Variants in PHLPP1 observed in about 807,000 individuals in gnomAD.
PHLPP1 encodes the protein PH domain and leucine rich repeat protein phosphatase 1.
PHLPP1 carries 42 observed loss-of-function variants against 117.2 expected under a neutral mutation model. That is an observed-to-expected ratio of 0.36 (90% CI 0.28 to 0.46). The LOEUF is 0.46. Ranked by LOEUF, PHLPP1 falls within the 20% of genes least tolerant of loss-of-function variation. The probability of loss-of-function intolerance (pLI) is 1.00; values close to 1 mark genes in which losing one functional copy is unlikely to be tolerated. For synonymous variants in PHLPP1, 1,042 were observed against 970.7 expected (o/e 1.07, Z -1.37); for missense variants, 2,084 against 2,241.9 (o/e 0.93, Z 1.42).
intron 1 of PHLPP1, among the ~76,000 whole-genome samples, chr18:62,822,283 T>TTG (rs1354762261): frequency 6.3e-5 from 9 of 141,936 alleles, no homozygotes; most frequent in Admixed American, 1.4e-4. Context: ...TTTTTTTGTT[T>TTG]TTGTTTTTTT....
intron 7 of PHLPP1, among the ~76,000 whole-genome samples, chr18:62,904,847 G>C (rs976604679): frequency 6.6e-6 from 1 of 152,252 alleles, no homozygotes; most frequent in Admixed American, 6.5e-5. Flanking sequence ...TGCTGTTTCA[G>C]TAAGGTGATG....
intron 3 of PHLPP1, among the ~76,000 whole-genome samples, chr18:62,855,510 G>A (rs149639955): frequency 3.3e-4 from 51 of 152,334 alleles, no homozygotes; most frequent in African/African-American, 1.2e-3. Flanking sequence ...TTATGGGACT[G>A]GGCAGTGGTG....
intron 1 of PHLPP1, among the ~76,000 whole-genome samples, chr18:62,807,435 AAAG>A (rs1270123448): frequency 4.6e-5 from 7 of 152,240 alleles, no homozygotes; most frequent in Non-Finnish European, 1.0e-4. Flanking sequence ...GGAGAAGCAT[AAAG>A]AAGAAGGTAT....
rs1421047736 is a variant in PHLPP1 at position 62,716,135 on chromosome 18, C to T, written c.452C>T (p.Ser151Phe). The T allele has an allele frequency of 3.3e-6, 5 of 1,518,358 alleles. No homozygotes were observed. Among genetic ancestry groups the T allele is most frequent in the South Asian group, 2.4e-5 (2 of 82,064 alleles). 94.1% of individuals were successfully genotyped at this position (1,518,358 alleles called of 1,614,324 possible). A position where few individuals can be genotyped will look rare whatever the true frequency, so the allele number is the denominator to read the frequency against. The change falls in exon 1 of 17, where the codon TCC becomes TTC. Residue 151 changes from serine (S) to phenylalanine (F), a missense_variant. This residue lies in a region of PHLPP1 where 719 missense variants were observed against 636.0 expected (regional missense o/e 1.13). Coordinates refer to ENST00000262719, the MANE Select transcript of PHLPP1 (RefSeq NM_194449.4). This position sits in a 1 kb window ranked among gnomAD's most constrained non-coding sequence, Gnocchi z 5.7. Reference protein sequence around the residue: ...SSSSAAAASHSPGAAGLPASC... With the variant: ...SSSSAAAASHFPGAAGLPASC... Reference sequence around the variant, plus strand: ...TCCTCGGCCGCTGCTGCCTCGCACTCCCCCGGCGCTGCCGGCCTCCCCGCC... The same window carrying T: ...TCCTCGGCCGCTGCTGCCTCGCACTTCCCCGGCGCTGCCGGCCTCCCCGCC...
chr18:62,952,967 C>T (rs1401324932), intron 12 of PHLPP1, among the ~76,000 whole-genome samples: 1 of 152,170 alleles, frequency 6.6e-6, no homozygotes, highest in African/African-American at 2.4e-5. Context: ...CTGTGACTCT[C>T]AGGTCTGTGT....
At chr18:62,932,313 C>CAACA (rs61000626) in intron 10 of PHLPP1, among the ~76,000 whole-genome samples, 84,832 of 151,334 alleles carry the variant, frequency 0.56, 24,002 homozygotes, top group Non-Finnish European at 0.61. Context: ...GACAAGGATA[C>CAACA]AAAAAGGAAA....
chr18:62,814,093 G>A (rs1914199138), intron 1 of PHLPP1, among the ~76,000 whole-genome samples: 1 of 152,106 alleles, frequency 6.6e-6, no homozygotes, highest in Non-Finnish European at 1.5e-5. Context: ...CAGGAATTTA[G>A]AGATTATCAA....
rs1447041066 is a variant in PHLPP1 at position 62,920,752 on chromosome 18, G to T, written c.2960+638G>T. On this transcript the variant is annotated intron_variant, in intron 10 of 16. Transcript: ENST00000262719. The stretch of plus-strand genomic sequence containing the variant: ...TTTTTTGTATTTTTAGTAGAGGTGG[G>T]GTTTTGCCATGTTGGCCAGGCTGGT... Among the ~76,000 whole-genome samples, 5 of 152,026 alleles carry T rather than the reference G, an allele frequency of 3.3e-5. No individual in the cohort carries two copies. The South Asian group carries it at 1.0e-3, about 31-fold the overall frequency.
chr18:62,843,609 CTG>C (rs1555676637), intron 3 of PHLPP1, among the ~76,000 whole-genome samples: 1 of 152,180 alleles, frequency 6.6e-6, no homozygotes, highest in Non-Finnish European at 1.5e-5. Context: ...GTGGTAGACA[CTG>C]TGGGAGAGCT....
rs199787538 is a variant in PHLPP1 at position 62,978,445 on chromosome 18, C to T, written c.4168C>T (p.Arg1390Cys). Residue 1390 changes from arginine (R) to cysteine (C), a missense_variant, in exon 17 of 17, where the codon CGC becomes TGC. Coordinates refer to ENST00000262719, the MANE Select transcript of PHLPP1 (RefSeq NM_194449.4). This position sits in a 1 kb window ranked among gnomAD's most constrained non-coding sequence, Gnocchi z 7.0. ...LSVEEAVEAV[R>C]NVPDALAAAK... ...CGTCGAGGAGGCCGTGGAAGCCGTG[C>T]GCAACGTGCCCGATGCCCTGGCTGC... 2.2e-4 allele frequency: 347 copies of T among 1,610,980 alleles called. 1 individual carries two copies. Among genetic ancestry groups the T allele is most frequent in the Non-Finnish European group, 3.9e-5 (46 of 1,178,698 alleles).
intron 1 of PHLPP1, among the ~76,000 whole-genome samples, chr18:62,799,470 A>C (rs1913715416): frequency 6.6e-6 from 1 of 152,180 alleles, no homozygotes; most frequent in Admixed American, 6.5e-5. Flanking sequence ...TTGAAGCTAG[A>C]AAGGACCGCA....
chr18:62,867,120 A>G (rs1915789495), intron 4 of PHLPP1, among the ~76,000 whole-genome samples: 1 of 152,202 alleles, frequency 6.6e-6, no homozygotes, highest in Non-Finnish European at 1.5e-5. Flanking sequence ...TAAGCAGTGA[A>G]GTTTACAATA....
At chr18:62,722,681 A>G (rs1198968526) in intron 1 of PHLPP1, among the ~76,000 whole-genome samples, 3 of 152,170 alleles carry the variant, frequency 2.0e-5, no homozygotes, top group Admixed American at 6.5e-5. Context: ...AATCCACCAT[A>G]TGAATTCATT....
Position 62,905,886 on chromosome 18 carries a change from A to G in PHLPP1, c.2708+602A>G, listed in dbSNP as rs1173027520. 2.0e-5 allele frequency among the ~76,000 whole-genome samples: 3 copies of G among 152,316 alleles called. No homozygotes were observed. The East Asian group carries it at 5.8e-4, about 29-fold the overall frequency. On this transcript the variant is annotated intron_variant, in intron 8 of 16. Transcript: ENST00000262719. Reference sequence around the variant, plus strand: ...GTGTATTATATTTATTGCGGTTCCCACAAATATTATAGTAGACTTTTTCTT... The same window carrying G: ...GTGTATTATATTTATTGCGGTTCCCGCAAATATTATAGTAGACTTTTTCTT...
At chr18:62,952,064 C>T (rs1017928023) in intron 12 of PHLPP1, among the ~76,000 whole-genome samples, 1 of 151,912 alleles carries the variant, frequency 6.6e-6, no homozygotes, top group Non-Finnish European at 1.5e-5. Context: ...ATGATCCACC[C>T]GCCTCGGCCT....
chr18:62,961,044 C>T (rs901106718), intron 13 of PHLPP1, among the ~76,000 whole-genome samples: 1 of 152,184 alleles, frequency 6.6e-6, no homozygotes, highest in Non-Finnish European at 1.5e-5. Context: ...CGCCTGTAAT[C>T]CCAGCACTTT....
chr18:62,939,638 CT>C (rs11373386), intron 10 of PHLPP1, among the ~76,000 whole-genome samples: 270 of 143,494 alleles, frequency 1.9e-3, no homozygotes, highest in Middle Eastern at 3.7e-3. Context: ...CTCTAACTTC[CT>C]TTTTTTTTTT....
chr18:62,783,770 A>G (rs1007552137), intron 1 of PHLPP1, among the ~76,000 whole-genome samples: 9 of 152,086 alleles, frequency 5.9e-5, no homozygotes, highest in African/African-American at 2.2e-4. Context: ...ACCTAATTAA[A>G]TCATGTTTCT....
At chr18:62,824,688 A>G (rs2077210355) in intron 1 of PHLPP1, among the ~76,000 whole-genome samples, 1 of 152,222 alleles carries the variant, frequency 6.6e-6, no homozygotes, top group Non-Finnish European at 1.5e-5. Context: ...TCTATCATAG[A>G]AAGCATTTTG....
Sources: gnomAD v4.1 joint callset for allele counts (sites outside exome capture counted in the v4.1 genomes callset) on GRCh38, gnomAD v4.1.1 for gene constraint, gnomAD v4.1.1 regional missense constraint, Gnocchi (gnomAD v3.1) non-coding constraint, MANE v1.5 for transcripts, NCBI Gene and HGNC (gene_info 2026-07-23, HGNC 2026-07-21) for gene names.